ZMAT4: variants seen among roughly 807,000 people sequenced by gnomAD.
ZMAT4 encodes zinc finger matrin-type protein 4.
In ZMAT4, 17 loss-of-function variants were observed where a neutral mutation model predicts 28.7. The ratio of observed to expected loss-of-function variants is 0.59; its 90% confidence interval spans 0.41 to 0.89. The LOEUF is 0.89. Ranked by LOEUF, ZMAT4 falls within the 40% of genes least tolerant of loss-of-function variation. The pLI, the probability that ZMAT4 is intolerant of heterozygous loss-of-function variation, is 0.00. For synonymous variants in ZMAT4, 117 were observed against 109.2 expected, an observed-to-expected ratio of 1.07 and a Z score of -0.44; for missense variants, 240 against 283.8, an observed-to-expected ratio of 0.85 and a Z score of 1.11.
chr8:40,618,888 A>C (rs1340704128), intron 5 of ZMAT4, among the ~76,000 whole-genome samples: 1 of 152,214 alleles, frequency 6.6e-6, no homozygotes, highest in Non-Finnish European at 1.5e-5. Context: ...TTCTAGAAGC[A>C]ATTCCAGGAA....
chr8:40,736,002 T>C (rs1324721544), intron 3 of ZMAT4, among the ~76,000 whole-genome samples: 1 of 152,180 alleles, frequency 6.6e-6, no homozygotes, highest in African/African-American at 2.4e-5. Context: ...ATGGATTATT[T>C]AGGAATGCAG....
At chr8:40,720,523 CTTT>C (rs1307193398) in intron 3 of ZMAT4, among the ~76,000 whole-genome samples, 3 of 113,092 alleles carry the variant, frequency 2.7e-5, no homozygotes, top group South Asian at 3.3e-4. Flanking sequence ...TGGGTAGAAT[CTTT>C]TTTTTTTTTT....
intron 1 of ZMAT4, among the ~76,000 whole-genome samples, chr8:40,887,916 C>A (rs1818522051): frequency 6.6e-6 from 1 of 152,156 alleles, no homozygotes; most frequent in African/African-American, 2.4e-5. Flanking sequence ...AGGAGCCACA[C>A]AAAGTTCACG....
chr8:40,671,428 AATAGAGTGG>A (rs544512171), intron 5 of ZMAT4, among the ~76,000 whole-genome samples: 104 of 152,338 alleles, frequency 6.8e-4, no homozygotes, highest in Middle Eastern at 6.8e-3. Context: ...TTCATCAATG[AATAGAGTGG>A]ATAGACAAAC....
At chr8:40,663,745 G>A (rs893234905) in intron 5 of ZMAT4, among the ~76,000 whole-genome samples, 5 of 152,124 alleles carry the variant, frequency 3.3e-5, no homozygotes, top group South Asian at 2.1e-4. Flanking sequence ...TCTAAGCTGA[G>A]TATTTTCTCT....
intron 1 of ZMAT4, among the ~76,000 whole-genome samples, chr8:40,890,637 C>G (rs62640286): frequency 1.3e-5 from 2 of 152,098 alleles, no homozygotes; most frequent in African/African-American, 4.8e-5. Flanking sequence ...ACCATTTTTC[C>G]TAGATGCAAA....
intron 3 of ZMAT4, among the ~76,000 whole-genome samples, chr8:40,718,173 A>C (rs149487511): frequency 7.7e-4 from 117 of 152,338 alleles, no homozygotes; most frequent in African/African-American, 2.7e-3. Context: ...AATAGCTGTT[A>C]ATTAACCAAC....
At chr8:40,535,667 C>CA (rs35203408) in intron 6 of ZMAT4, among the ~76,000 whole-genome samples, 2,606 of 140,716 alleles carry the variant, frequency 0.019, 24 homozygotes, top group Non-Finnish European at 0.024. Context: ...GACTCTGTCT[C>CA]AAAAAAAAAA....
In ZMAT4 at chr8:40,530,593, T is replaced by C. The variant is rs1802661399; in HGVS notation, c.*1630A>G. ...CTAAACCCAAACTGAAACAGTGTTT[T>C]GTTGTTGCTGCTGTTTTTACTCGGA... On this transcript the variant is annotated 3_prime_UTR_variant, in exon 7 of 7. Transcript: ENST00000297737. 1 of 152,558 alleles carries C rather than the reference T, an allele frequency of 6.6e-6. No homozygotes were observed. Among genetic ancestry groups the C allele is most frequent in the African/African-American group, 2.4e-5 (1 of 41,418 alleles). 9.5% of individuals were successfully genotyped at this position (152,558 alleles called of 1,614,324 possible). A position where few individuals can be genotyped will look rare whatever the true frequency, so the allele number is the denominator to read the frequency against.
At chr8:40,606,014 T>C (rs1805567805) in intron 5 of ZMAT4, among the ~76,000 whole-genome samples, 1 of 152,222 alleles carries the variant, frequency 6.6e-6, no homozygotes, top group African/African-American at 2.4e-5. Flanking sequence ...TTGGTGTCCA[T>C]TTGCATGGAA....
intron 1 of ZMAT4, among the ~76,000 whole-genome samples, chr8:40,859,429 C>T (rs1817411416): frequency 6.6e-6 from 1 of 152,030 alleles, no homozygotes; most frequent in Non-Finnish European, 1.5e-5. Flanking sequence ...AAAATCCCTG[C>T]CGGTGGCAGT....
chr8:40,608,635 C>T (rs573509858), intron 5 of ZMAT4, among the ~76,000 whole-genome samples: 5 of 152,246 alleles, frequency 3.3e-5, no homozygotes, highest in African/African-American at 9.6e-5. Context: ...TTACAGAGTT[C>T]GGCTGGAAGT....
chr8:40,700,206 A>G (rs1271711754), intron 3 of ZMAT4, among the ~76,000 whole-genome samples: 2 of 152,044 alleles, frequency 1.3e-5, no homozygotes, highest in African/African-American at 4.8e-5. Context: ...TCAAAGAACT[A>G]GAGTCTCATA....
chr8:40,628,475 C>A lies in ZMAT4; in HGVS notation c.577+46229G>T, dbSNP rs1806455999. Among the ~76,000 whole-genome samples, 3 of 152,260 alleles carry A rather than the reference C, an allele frequency of 2.0e-5. No homozygotes were observed. In the East Asian group the frequency reaches 5.8e-4, roughly 29 times the overall value. On this transcript the variant is annotated intron_variant, in intron 5 of 6. Transcript: ENST00000297737. ...GGCTCAGAGAAGTTAAATAAATTATCCAAGGTCATACTGCTAATAACACAA... is the reference window on the plus strand; with the variant it reads ...GGCTCAGAGAAGTTAAATAAATTATACAAGGTCATACTGCTAATAACACAA...
chr8:40,816,444 G>C (rs1364265983), intron 2 of ZMAT4, among the ~76,000 whole-genome samples: 1 of 152,058 alleles, frequency 6.6e-6, no homozygotes, highest in East Asian at 1.9e-4. Context: ...GAATTAGCCT[G>C]CCTTGTCTAA....
intron 1 of ZMAT4, among the ~76,000 whole-genome samples, chr8:40,835,958 G>A (rs1586141914): frequency 6.6e-6 from 1 of 152,300 alleles, no homozygotes; most frequent in East Asian, 1.9e-4. Flanking sequence ...AAAGTATGTA[G>A]AGTGGCCAAG....
chr8:40,729,671 T>C (rs2150524962), intron 3 of ZMAT4, among the ~76,000 whole-genome samples: 1 of 150,600 alleles, frequency 6.6e-6, no homozygotes, highest in African/African-American at 2.4e-5. Context: ...CTTGGCCCAC[T>C]ACAACCTCCA....
intron 2 of ZMAT4, among the ~76,000 whole-genome samples, chr8:40,777,978 C>A (rs1042739420): frequency 6.6e-6 from 1 of 152,196 alleles, no homozygotes; most frequent in African/African-American, 2.4e-5. Flanking sequence ...TTCTCTTGAT[C>A]CAACCCCACA....
chr8:40,837,818 G>T (rs567721467), intron 1 of ZMAT4, among the ~76,000 whole-genome samples: 2 of 152,312 alleles, frequency 1.3e-5, no homozygotes, highest in South Asian at 2.1e-4. Flanking sequence ...TGGTACACGG[G>T]CTGGGAGCAT....
Sources: allele counts gnomAD v4.1 joint callset (sites outside exome capture counted in the v4.1 genomes callset), GRCh38; gene constraint gnomAD v4.1.1; transcripts MANE v1.5; gene names NCBI Gene and HGNC (gene_info 2026-07-23, HGNC 2026-07-21).